Variants in TNKS observed in about 807,000 individuals in gnomAD.
The protein encoded by TNKS is tankyrase, also known as poly [ADP-ribose] polymerase tankyrase-1.
Under a neutral mutation model 135.8 loss-of-function variants are expected in TNKS, and 72 were observed. The ratio of observed to expected loss-of-function variants is 0.53; its 90% CI spans 0.44 to 0.64. The LOEUF is 0.64. Among genes scored for constraint, TNKS ranks in the 30% least tolerant of loss-of-function variants. The pLI, the probability that TNKS is intolerant of heterozygous loss-of-function variation, is 0.00. For missense variants in TNKS, 1,769 were observed against 1,674.0 expected, an observed-to-expected ratio of 1.06 and a Z score of -0.99; for synonymous variants, 849 against 649.3, an observed-to-expected ratio of 1.31 and a Z score of -4.68.
chr8:9,697,024 G>T (rs1350288686), intron 5 of TNKS, among the ~76,000 whole-genome samples: 2 of 152,080 alleles, frequency 1.3e-5, no homozygotes, highest in Non-Finnish European at 2.9e-5. Flanking sequence ...AAAGCCAGAG[G>T]CATCACACTA....
intron 3 of TNKS, among the ~76,000 whole-genome samples, chr8:9,627,796 A>G (rs898245879): frequency 2.0e-5 from 3 of 152,186 alleles, no homozygotes; most frequent in African/African-American, 7.2e-5. Flanking sequence ...AATCATAACC[A>G]TAAATCTCAA....
At chr8:9,670,086 G>T (rs1185760470) in intron 3 of TNKS, 1 of 152,020 alleles carries the variant, frequency 6.6e-6, no homozygotes, top group Non-Finnish European at 1.5e-5. Context: ...GATTGCTTTT[G>T]GTTTTAACTT....
chr8:9,772,223 G>C (rs968028930), intron 26 of TNKS: 8 of 357,812 alleles, frequency 2.2e-5, no homozygotes, highest in African/African-American at 1.1e-4. Flanking sequence ...AAGAATATTT[G>C]CGTGGTTTTC....
intron 3 of TNKS, among the ~76,000 whole-genome samples, chr8:9,629,959 G>C (rs1264097689): frequency 4.6e-5 from 7 of 152,164 alleles, no homozygotes; most frequent in Non-Finnish European, 2.9e-5. Flanking sequence ...TGGGATTACA[G>C]ACATGAGCCA....
At chr8:9,645,241 A>G (rs1435177595) in intron 3 of TNKS, among the ~76,000 whole-genome samples, 2 of 152,130 alleles carry the variant, frequency 1.3e-5, no homozygotes, top group Admixed American at 1.3e-4. Context: ...TGGGGTTTGT[A>G]GAATCCCAAG....
chr8:9,741,692 C>T, intron 17 of TNKS: 1 of 526,912 alleles, frequency 1.9e-6, no homozygotes, highest in South Asian at 1.4e-5. Flanking sequence ...ACGTGTGTGT[C>T]ACTCGATGAC....
intron 3 of TNKS, among the ~76,000 whole-genome samples, chr8:9,635,153 G>C (rs1002220098): frequency 6.6e-6 from 1 of 150,406 alleles, no homozygotes; most frequent in Admixed American, 6.6e-5. Context: ...CTGGACGACA[G>C]AGCGAGACTC....
intron 1 of TNKS, among the ~76,000 whole-genome samples, chr8:9,569,247 A>G (rs965221648): frequency 4.6e-5 from 7 of 152,180 alleles, no homozygotes; most frequent in Admixed American, 2.6e-4. Flanking sequence ...AGCTATTACC[A>G]TAGTTTCTTA....
intron 3 of TNKS, among the ~76,000 whole-genome samples, chr8:9,638,887 C>G (rs1287529784): frequency 6.6e-6 from 1 of 151,912 alleles, no homozygotes; most frequent in African/African-American, 2.4e-5. Flanking sequence ...AAATTGGTGC[C>G]CAAATGACAG....
At chr8:9,686,500 T>G (rs2128799772) in intron 5 of TNKS, among the ~76,000 whole-genome samples, 1 of 152,284 alleles carries the variant, frequency 6.6e-6, no homozygotes, top group East Asian at 1.9e-4. Context: ...AATACCTGAT[T>G]AAAAGAAAAT....
At chr8:9,587,022 G>C (rs1297130853) in intron 2 of TNKS, among the ~76,000 whole-genome samples, 1 of 152,168 alleles carries the variant, frequency 6.6e-6, no homozygotes, top group Non-Finnish European at 1.5e-5. Flanking sequence ...ATATGTGGTA[G>C]GCAAATAATG....
chr8:9,563,035 C>T (rs892874314), intron 1 of TNKS, among the ~76,000 whole-genome samples: 84 of 151,890 alleles, frequency 5.5e-4, no homozygotes, highest in Non-Finnish European at 1.8e-4. Context: ...TATATTGAAA[C>T]TTTGCCTCTT....
At chr8:9,764,690 A>G (rs1807330430) in intron 22 of TNKS, 26 bp from the exon 23 acceptor site, 1 of 1,566,404 alleles carries the variant, frequency 6.4e-7, no homozygotes, top group Admixed American at 1.9e-5. Flanking sequence ...GGATGTTTTT[A>G]TAAAATTAGT....
At chr8:9,580,055 C>T (rs1798109482) in intron 1 of TNKS, 104 bp from the exon 2 acceptor site, 2 of 874,336 alleles carry the variant, frequency 2.3e-6, no homozygotes, top group Non-Finnish European at 1.9e-6. Context: ...CTATAGAGTG[C>T]AGTACTTCAG....
chr8:9,741,221 C>T (rs1805942578), intron 17 of TNKS: 2 of 152,842 alleles, frequency 1.3e-5, no homozygotes, highest in African/African-American at 4.8e-5. Context: ...TTCTACTAAT[C>T]CTTTTGCTAA....
At chr8:9,626,646 C>T (rs372151830) in intron 3 of TNKS, among the ~76,000 whole-genome samples, 5 of 152,222 alleles carry the variant, frequency 3.3e-5, no homozygotes, top group Non-Finnish European at 7.4e-5. Context: ...CTTAATTTGA[C>T]GCACTCATGC....
chr8:9,684,591 A>G (rs1802910023), intron 5 of TNKS, among the ~76,000 whole-genome samples: 1 of 152,144 alleles, frequency 6.6e-6, no homozygotes, highest in Admixed American at 6.6e-5. Context: ...AATAATATGT[A>G]TCTTTGAATA....
At chr8:9,656,876 C>T (rs1385539946) in intron 3 of TNKS, among the ~76,000 whole-genome samples, 1 of 133,888 alleles carries the variant, frequency 7.5e-6, no homozygotes, top group Non-Finnish European at 1.6e-5. Context: ...TCTTGCACCG[C>T]CCTTAATCCA....
intron 2 of TNKS, among the ~76,000 whole-genome samples, chr8:9,594,446 C>T (rs374734378): frequency 7.3e-4 from 111 of 152,176 alleles, no homozygotes; most frequent in African/African-American, 2.6e-3. Flanking sequence ...GCTTAATGAC[C>T]GTATCTGGCT....
Sources: gnomAD v4.1 joint callset for allele counts (sites outside exome capture counted in the v4.1 genomes callset) on GRCh38, gnomAD v4.1.1 for gene constraint, MANE v1.5 for transcripts, NCBI Gene and HGNC (gene_info 2026-07-23, HGNC 2026-07-21) for gene names.